Variants in TCF3 observed in about 807,000 individuals in gnomAD.
The protein encoded by TCF3 is transcription factor 3.
TCF3 carries 54 observed loss-of-function variants against 72.3 expected under a neutral mutation model. The ratio of observed to expected loss-of-function variants is 0.75; its 90% CI spans 0.60 to 0.94. The LOEUF (loss-of-function observed/expected upper bound fraction) is 0.94, where lower values mean the gene tolerates loss of function less well. TCF3 is among the 40% of genes least tolerant of loss of function. The probability of loss-of-function intolerance (pLI) is 0.00; values close to 1 mark genes in which losing one functional copy is unlikely to be tolerated. For synonymous variants in TCF3, 525 were observed against 412.6 expected, an observed-to-expected ratio of 1.27 and a Z score of -3.30; for missense variants, 1,078 against 934.4, an observed-to-expected ratio of 1.15 and a Z score of -2.00.
intron 3 of TCF3, among the ~76,000 whole-genome samples, chr19:1,642,210 A>G (rs1173379335): frequency 2.6e-5 from 4 of 151,658 alleles, no homozygotes; most frequent in African/African-American, 9.7e-5. Context: ...AGACACGCAC[A>G]CACGCGCAGA....
chr19:1,622,172 C>G lies in TCF3; in HGVS notation c.704G>C (p.Gly235Ala). ...AELWSPPGQA[G>A]FGPMLGGGSS... ...GCCCCCACCCAGCATGGGCCCGAAG[C>G]CCGCCTGGCCCGGGGGACTCCAGAG... The change falls in exon 10 of 19, where the codon GGC becomes GCC. Residue 235 changes from glycine to alanine, a missense_variant. Gly to Ala is a moderately conservative substitution (Grantham distance 60, BLOSUM62 0). Transcript: ENST00000262965. The G allele has an allele frequency of 6.4e-7, 1 of 1,569,534 alleles. No homozygotes were observed. The highest frequency in any genetic ancestry group is 8.6e-7 in the Non-Finnish European group (1 of 1,160,128).
intron 3 of TCF3, among the ~76,000 whole-genome samples, chr19:1,635,028 C>G (rs993591565): frequency 2.0e-5 from 3 of 152,184 alleles, no homozygotes; most frequent in Non-Finnish European, 4.4e-5. Context: ...GAAACCCAAT[C>G]GACAGACTTC....
At chr19:1,619,937 C>T in intron 13 of TCF3, 84 bp from the exon 14 acceptor site, 1 of 1,220,646 alleles carries the variant, frequency 8.2e-7, no homozygotes, top group Non-Finnish European at 1.2e-6. Flanking sequence ...ATTCATGAAC[C>T]ACCCCGCCTG....
At chr19:1,612,047 G>A (rs1202552103) in intron 18 of TCF3, among the ~76,000 whole-genome samples, 198 bp from the exon 19 acceptor site, 1 of 152,010 alleles carries the variant, frequency 6.6e-6, no homozygotes, top group Non-Finnish European at 1.5e-5. Flanking sequence ...AAGAGAGTGG[G>A]TATCAGGGGG....
chr19:1,632,031 C>T lies in TCF3; in HGVS notation c.298+7G>A. The T allele has an allele frequency of 6.2e-7, 1 of 1,612,150 alleles. No individual in the cohort carries two copies. Among genetic ancestry groups the T allele is most frequent in the Non-Finnish European group, 8.5e-7 (1 of 1,179,242 alleles). On this transcript the variant is annotated splice_region_variant and intron_variant, in intron 5 of 18. Transcript: ENST00000262965. ...AGCAGAGGGACCGCACCAGGCCAGG[C>T]ACTCACCTCCGAGTCCCGGTCCCAG...
At chr19:1,649,351 G>A (rs535779201) in intron 2 of TCF3, among the ~76,000 whole-genome samples, 5 of 152,226 alleles carry the variant, frequency 3.3e-5, no homozygotes, top group South Asian at 4.1e-4. Flanking sequence ...GGGGAGTCCC[G>A]TATGGGGCAG....
At chr19:1,613,227 A>T (rs1296400022) in intron 18 of TCF3, among the ~76,000 whole-genome samples, 4 of 152,192 alleles carry the variant, frequency 2.6e-5, no homozygotes, top group Non-Finnish European at 5.9e-5. Context: ...GGAATGCAGC[A>T]GAGCCCCATG....
chr19:1,612,176 G>T, intron 18 of TCF3: 2 of 1,548,110 alleles, frequency 1.3e-6, no homozygotes, highest in South Asian at 1.2e-5. Context: ...AAGGGAGAGG[G>T]TGCTGGGGCA....
At chr19:1,632,147 C>T (rs1463959949) in intron 4 of TCF3, 31 bp from the exon 5 acceptor site, 2 of 1,605,988 alleles carry the variant, frequency 1.2e-6, no homozygotes, top group Admixed American at 3.4e-5. Context: ...ATGAGAGGTG[C>T]TGGGGCTTCA....
chr19:1,643,678 G>A (rs913888221), intron 3 of TCF3, among the ~76,000 whole-genome samples: 3 of 152,192 alleles, frequency 2.0e-5, no homozygotes, highest in Admixed American at 2.0e-4. Flanking sequence ...ACCTTGCCCA[G>A]TACCTAACTC....
At chr19:1,630,067 C>A (rs2063512375) in intron 5 of TCF3, among the ~76,000 whole-genome samples, 1 of 152,250 alleles carries the variant, frequency 6.6e-6, no homozygotes, top group South Asian at 2.1e-4. Flanking sequence ...CTGGCTATGG[C>A]CTGGGCCCCA....
At chr19:1,649,878 T>A (rs1392609935) in intron 2 of TCF3, among the ~76,000 whole-genome samples, 3 of 152,248 alleles carry the variant, frequency 2.0e-5, no homozygotes, top group Non-Finnish European at 4.4e-5. Flanking sequence ...GGCCGCATTT[T>A]GCTTACCCAG....
rs767267333 is a variant in TCF3, at chr19:1,622,321, T to C, written c.644A>G (p.Tyr215Cys). 9.8e-6 allele frequency: 15 copies of C among 1,531,434 alleles called. No individual in the cohort carries two copies. The East Asian group carries it at 1.2e-4, about 12-fold the overall frequency. 94.9% of individuals were successfully genotyped at this position (1,531,434 alleles called of 1,614,324 possible). A position where few individuals can be genotyped will look rare whatever the true frequency, so the allele number is the denominator to read the frequency against. ...TPSSTYPAPF[Y>C]VADGSLHPSA... The stretch of plus-strand genomic sequence containing the variant: ...CCCGCCCTGCCATGTACCTGCCACG[T>C]AGAAGGGGGCGGGATAGGTGCTGCT... Residue 215 changes from tyrosine (Y) to cysteine (C), a missense_variant, in exon 9 of 19, where the codon TAC (tyrosine) becomes TGC (cysteine). By Grantham distance (194) the Tyr-to-Cys change is radical. Coordinates refer to ENST00000262965, the MANE Select transcript of TCF3 (RefSeq NM_003200.5).
chr19:1,635,279 T>C (rs1376211161), intron 3 of TCF3, among the ~76,000 whole-genome samples: 1 of 152,168 alleles, frequency 6.6e-6, no homozygotes, highest in East Asian at 1.9e-4. Context: ...AACAGCAGCT[T>C]GCCCCATAGC....
rs1436876861 is a variant in TCF3 at position 1,615,333 on chromosome 19, G to A, written c.1774C>T (p.Leu592=). The change falls in exon 18 of 19, where the codon CTG becomes TTG. Residue 592 remains leucine, a synonymous_variant. Transcript: ENST00000262965. The surrounding 1 kb of genome is among the most constrained non-coding windows in gnomAD (Gnocchi z 7.3). ...SEKPQTKLLI[L]HQAVSVILNL... is the part of the protein sequence containing the mutation. The stretch of plus-strand genomic sequence containing the variant: ...AGGATGACCGAGACAGCCTGGTGCA[G>A]GATGAGCAGTTTGGTCTGGGGCTTC... 2 of 1,611,992 alleles carry A rather than the reference G, an allele frequency of 1.2e-6. No individual in the cohort carries two copies. The highest frequency in any genetic ancestry group is 1.7e-6 in the Non-Finnish European group (2 of 1,178,284).
rs771764967 is a variant in TCF3 at position 1,615,285 on chromosome 19, C to T, written c.1822G>A (p.Glu608Lys). Residue 608 changes from glutamate (E) to lysine (K), a missense_variant and splice_region_variant, in exon 18 of 19, where the codon GAG (glutamate) becomes AAG (lysine). By Grantham distance (56) the Glu-to-Lys change is moderately conservative. Coordinates refer to ENST00000262965, the MANE Select transcript of TCF3 (RefSeq NM_003200.5). The surrounding 1 kb of genome is among the most constrained non-coding windows in gnomAD (Gnocchi z 7.3). The stretch of plus-strand genomic sequence containing the variant: ...GCTGGTGGCCCGCGCCCCCACTGAC[C>T]TCGCACTTGCTGCTCCAAGTTCAGG... Reference protein sequence around the residue: ...VILNLEQQVRERNLNPKAACL... With the variant: ...VILNLEQQVRKRNLNPKAACL... 1.9e-6 allele frequency: 3 copies of T among 1,588,394 alleles called. No homozygotes were observed. Among genetic ancestry groups the T allele is most frequent in the Non-Finnish European group, 8.6e-7 (1 of 1,162,142 alleles).
intron 8 of TCF3, among the ~76,000 whole-genome samples, chr19:1,623,687 T>C (rs112091898): frequency 0.046 from 7,064 of 152,100 alleles, 204 homozygotes; most frequent in Non-Finnish European, 0.07. Flanking sequence ...CCCAGCACAA[T>C]TGTGCCCTTT....
chr19:1,626,831 T>C (rs1017589390), intron 6 of TCF3, among the ~76,000 whole-genome samples: 22 of 152,064 alleles, frequency 1.4e-4, no homozygotes, highest in Non-Finnish European at 2.8e-4. Flanking sequence ...CGGCCCCACC[T>C]GTGACAAGGC....
At chr19:1,648,128 A>G (rs944856606) in intron 2 of TCF3, among the ~76,000 whole-genome samples, 1 of 152,306 alleles carries the variant, frequency 6.6e-6, no homozygotes, top group Non-Finnish European at 1.5e-5. Flanking sequence ...GCGCGCTGGG[A>G]ACAGCCTGGG....
Sources: allele counts gnomAD v4.1 joint callset (sites outside exome capture counted in the v4.1 genomes callset), GRCh38; gene constraint gnomAD v4.1.1; non-coding constraint Gnocchi (gnomAD v3.1); transcripts MANE v1.5; gene names NCBI Gene and HGNC (gene_info 2026-07-23, HGNC 2026-07-21).